The following ATXN1 variants were observed in gnomAD, a reference collection of about 807,000 sequenced individuals.
ATXN1 encodes ataxin 1.
ATXN1 carries 8 observed loss-of-function variants against 56.4 expected under a neutral mutation model. The ratio of observed to expected loss-of-function variants is 0.14; its 90% CI spans 0.08 to 0.26. ATXN1 has a LOEUF of 0.26. ATXN1 is among the 10% of genes least tolerant of loss of function. The probability of loss-of-function intolerance (pLI) is 1.00; values close to 1 mark genes in which losing one functional copy is unlikely to be tolerated. For synonymous variants in ATXN1, 514 were observed against 494.6 expected (o/e 1.04, Z -0.52); for missense variants, 987 against 1,106.5 (o/e 0.89, Z 1.53).
At chr6:16,720,453 G>A (rs1027125807) in intron 2 of ATXN1, among the ~76,000 whole-genome samples, 2 of 152,188 alleles carry the variant, frequency 1.3e-5, no homozygotes, top group African/African-American at 4.8e-5. Flanking sequence ...GTCTGGTGCA[G>A]AAAAGACATT....
At chr6:16,321,391 C>T (rs779525872) in intron 7 of ATXN1, among the ~76,000 whole-genome samples, 1 of 152,210 alleles carries the variant, frequency 6.6e-6, no homozygotes, top group Non-Finnish European at 1.5e-5. Flanking sequence ...GGCAAAGCAG[C>T]AACTCTCTTC....
intron 4 of ATXN1, among the ~76,000 whole-genome samples, chr6:16,559,073 G>A (rs1399259232): frequency 6.6e-6 from 1 of 152,104 alleles, no homozygotes; most frequent in Non-Finnish European, 1.5e-5. Flanking sequence ...CCATATTAAA[G>A]CTACTAGAAT....
chr6:16,699,152 T>C (rs1759229793), intron 2 of ATXN1, among the ~76,000 whole-genome samples: 1 of 152,206 alleles, frequency 6.6e-6, no homozygotes, highest in Admixed American at 6.6e-5. Flanking sequence ...AAGGGTTCAG[T>C]AGCTCCACGG....
chr6:16,624,354 G>GAAAA (rs58614013), intron 3 of ATXN1, among the ~76,000 whole-genome samples: 4 of 109,262 alleles, frequency 3.7e-5, no homozygotes, highest in Admixed American at 9.3e-5. Flanking sequence ...TTTGTCTCAA[G>GAAAA]AAAAAAAAAA....
intron 6 of ATXN1, among the ~76,000 whole-genome samples, chr6:16,334,508 G>A (rs2113426897): frequency 6.6e-6 from 1 of 152,192 alleles, no homozygotes; most frequent in South Asian, 2.1e-4. Flanking sequence ...GGGAGCCCAG[G>A]AGCTCAAGGC....
At chr6:16,377,898 A>G (rs1328196694) in intron 6 of ATXN1, among the ~76,000 whole-genome samples, 3 of 152,240 alleles carry the variant, frequency 2.0e-5, no homozygotes, top group Non-Finnish European at 4.4e-5. Context: ...CAGGTCTTTC[A>G]GGGTTAGAAC....
At chr6:16,675,981 ACAT>A (rs771441798) in intron 2 of ATXN1, among the ~76,000 whole-genome samples, 4 of 152,260 alleles carry the variant, frequency 2.6e-5, no homozygotes, top group South Asian at 2.1e-4. Flanking sequence ...AGGAACATAC[ACAT>A]CATCATACAT....
chr6:16,756,775 A>G (rs631661), intron 1 of ATXN1, among the ~76,000 whole-genome samples: 31,672 of 152,194 alleles, frequency 0.21, 4,035 homozygotes, highest in Non-Finnish European at 0.29. Flanking sequence ...ACTACAGTTT[A>G]AAGAATTAAC....
At chr6:16,519,540 T>C (rs567077490) in intron 5 of ATXN1, among the ~76,000 whole-genome samples, 4 of 152,250 alleles carry the variant, frequency 2.6e-5, no homozygotes, top group Admixed American at 2.6e-4. Flanking sequence ...CTGGTAGGTG[T>C]CTCCTCAATC....
At chr6:16,663,610 C>T (rs1758368041) in intron 2 of ATXN1, among the ~76,000 whole-genome samples, 1 of 152,048 alleles carries the variant, frequency 6.6e-6, no homozygotes. Flanking sequence ...GAAGATGATG[C>T]TCATCACGCA....
intron 2 of ATXN1, among the ~76,000 whole-genome samples, chr6:16,696,792 G>C (rs1050593793): frequency 6.6e-6 from 1 of 152,162 alleles, no homozygotes; most frequent in African/African-American, 2.4e-5. Flanking sequence ...GGCGACCTGA[G>C]AGAATTTTTA....
intron 6 of ATXN1, among the ~76,000 whole-genome samples, chr6:16,408,860 T>A (rs1758741154): frequency 6.6e-6 from 1 of 152,210 alleles, no homozygotes; most frequent in Admixed American, 6.5e-5. Context: ...CCTGTCTCAG[T>A]CTGCTGAGTA....
chr6:16,751,926 A>G (rs1459784014), intron 2 of ATXN1, among the ~76,000 whole-genome samples: 1 of 152,178 alleles, frequency 6.6e-6, no homozygotes, highest in African/African-American at 2.4e-5. Flanking sequence ...CAGCCCTATA[A>G]GAAAGTTCTA....
At chr6:16,702,907 G>A (rs557024457) in intron 2 of ATXN1, among the ~76,000 whole-genome samples, 1 of 152,282 alleles carries the variant, frequency 6.6e-6, no homozygotes, top group East Asian at 1.9e-4. Flanking sequence ...TTCAACCATT[G>A]TGGAAGTCAG....
chr6:16,558,410 T>G (rs545890756), intron 4 of ATXN1, among the ~76,000 whole-genome samples: 1 of 152,294 alleles, frequency 6.6e-6, no homozygotes, highest in African/African-American at 2.4e-5. Flanking sequence ...GGTCTCACTC[T>G]GTCACCCAGG....
At chr6:16,412,748 A>G (rs1758824675) in intron 6 of ATXN1, among the ~76,000 whole-genome samples, 1 of 152,254 alleles carries the variant, frequency 6.6e-6, no homozygotes, top group South Asian at 2.1e-4. Context: ...GCCTTTACAT[A>G]TAAAGCTTAA....
chr6:16,755,400 C>A (rs1436820774), intron 1 of ATXN1, among the ~76,000 whole-genome samples: 1 of 151,836 alleles, frequency 6.6e-6, no homozygotes, highest in Non-Finnish European at 1.5e-5. Context: ...TAATATACAC[C>A]AAAAATGGAA....
chr6:16,385,565 G>T lies in ATXN1; in HGVS notation c.-160-57095C>A, dbSNP rs1396078229. Among the ~76,000 whole-genome samples the T allele has an allele frequency of 3.3e-5, 5 of 152,260 alleles. No individual in the cohort carries two copies. In the East Asian group the frequency reaches 9.7e-4, roughly 29 times the overall value. On this transcript the variant is annotated intron_variant, in intron 6 of 7. Coordinates refer to ENST00000436367, the MANE Select transcript of ATXN1 (RefSeq NM_001128164.2). ...TAGTGCCATTTGCACAAGAGATATG[G>T]GAGAAATCATGGTCTAGCTCCTTTC...
intron 3 of ATXN1, among the ~76,000 whole-genome samples, chr6:16,597,957 G>T (rs1173277187): frequency 6.6e-6 from 1 of 152,044 alleles, no homozygotes; most frequent in Non-Finnish European, 1.5e-5. Flanking sequence ...AGCTGAGTCT[G>T]CCATTAAGAA....
Sources: allele counts gnomAD v4.1 joint callset (sites outside exome capture counted in the v4.1 genomes callset), GRCh38; gene constraint gnomAD v4.1.1; transcripts MANE v1.5; gene names NCBI Gene and HGNC (gene_info 2026-07-23, HGNC 2026-07-21).